C9orf153: variants seen among roughly 807,000 people sequenced by gnomAD.
C9orf153 encodes chromosome 9 open reading frame 153.
C9orf153 carries 10 observed loss-of-function variants against 9.0 expected under a neutral mutation model. The ratio of observed to expected loss-of-function variants is 1.11; its 90% CI spans 0.69 to 1.89. The LOEUF (loss-of-function observed/expected upper bound fraction) is 1.89, where lower values mean the gene tolerates loss of function less well. Among genes scored for constraint, C9orf153 ranks in the 40% most tolerant of loss-of-function variants. The pLI is 0.00. For missense variants in C9orf153, 108 were observed against 111.0 expected, an observed-to-expected ratio of 0.97 and a Z score of 0.12; for synonymous variants, 35 against 37.3, an observed-to-expected ratio of 0.94 and a Z score of 0.23.
intron 1 of C9orf153, among the ~76,000 whole-genome samples, chr9:86,244,936 C>G (rs1179040740): frequency 1.3e-5 from 2 of 152,148 alleles, no homozygotes; most frequent in Non-Finnish European, 2.9e-5. Context: ...TTACACCTCT[C>G]TTTTTTTGAG....
chr9:86,224,940 CAAAAAA>C, intron 3 of C9orf153, among the ~76,000 whole-genome samples: 1 of 73,946 alleles, frequency 1.4e-5, no homozygotes, highest in East Asian at 4.1e-4. Context: ...GACTCCGTCT[CAAAAAA>C]AAAAAAAAAA....
chr9:86,226,759 G>T (rs541789358), intron 3 of C9orf153, among the ~76,000 whole-genome samples: 121 of 143,980 alleles, frequency 8.4e-4, no homozygotes, highest in African/African-American at 3.4e-3. Context: ...TTTTTTGTTT[G>T]TTTGTTTGTT....
chr9:86,226,946 A>T (rs1303356011), intron 3 of C9orf153, among the ~76,000 whole-genome samples: 2 of 152,058 alleles, frequency 1.3e-5, no homozygotes, highest in East Asian at 3.9e-4. Context: ...TTGTATTTTT[A>T]GTAGAGACCA....
At position 86,227,973 on chromosome 9, in the gene C9orf153, G is replaced by T. The variant is rs1824378678; in HGVS notation, c.124C>A (p.Leu42Ile). The change falls in exon 3 of 4, where the codon CTT (leucine) becomes ATT (isoleucine). Residue 42 changes from leucine to isoleucine, a missense_variant. Physicochemically the swap from Leu to Ile is conservative, Grantham distance 5. Transcript: ENST00000339137. The stretch of plus-strand genomic sequence containing the variant: ...AGTGAAATACCATGCATTTTTAGAA[G>T]ATTTGATTTCTTGCTCTCCTTATTA... ...NFNKESKKSN[L>I]LKMHGISLNE... The T allele has an allele frequency of 6.2e-7, 1 of 1,613,048 alleles. No individual in the cohort carries two copies. Among genetic ancestry groups the T allele is most frequent in the African/African-American group, 1.3e-5 (1 of 74,848 alleles).
intron 1 of C9orf153, among the ~76,000 whole-genome samples, chr9:86,232,837 A>G (rs1325818598): frequency 6.6e-6 from 1 of 151,944 alleles, no homozygotes; most frequent in Non-Finnish European, 1.5e-5. Context: ...GGTTCAAGCC[A>G]TTCTCCTGCC....
intron 1 of C9orf153, among the ~76,000 whole-genome samples, chr9:86,256,592 A>G (rs973048255): frequency 1.3e-5 from 2 of 152,226 alleles, no homozygotes; most frequent in African/African-American, 4.8e-5. Context: ...AAGTGTGACT[A>G]CAACTGTTTC....
chr9:86,248,782 T>A (rs1406673704), intron 1 of C9orf153, among the ~76,000 whole-genome samples: 1 of 152,174 alleles, frequency 6.6e-6, no homozygotes, highest in Non-Finnish European at 1.5e-5. Context: ...CCCAGAGTCA[T>A]GAAATGTGGG....
intron 1 of C9orf153, among the ~76,000 whole-genome samples, chr9:86,237,307 T>C (rs540435426): frequency 1.3e-5 from 2 of 152,046 alleles, no homozygotes; most frequent in African/African-American, 4.8e-5. Flanking sequence ...AAAAAAACAG[T>C]AAAACATTTG....
At position 86,227,989 on chromosome 9, in the gene C9orf153, C is replaced by A; in HGVS notation, c.108G>T (p.Glu36Asp). The change falls in exon 3 of 4, where the codon GAG (glutamate) becomes GAT (aspartate). Residue 36 changes from glutamate to aspartate, a missense_variant. Glu to Asp is a conservative substitution (Grantham distance 45). Transcript: ENST00000339137. Reference sequence around the variant, plus strand: ...TTTTTAGAAGATTTGATTTCTTGCTCTCCTTATTAAAATTCTCAATACATG... The same window carrying A: ...TTTTTAGAAGATTTGATTTCTTGCTATCCTTATTAAAATTCTCAATACATG... ...LYACIENFNK[E>D]SKKSNLLKMH... The A allele has an allele frequency of 1.9e-6, 3 of 1,612,632 alleles. No individual in the cohort carries two copies. The highest frequency in any genetic ancestry group is 2.5e-6 in the Non-Finnish European group (3 of 1,179,348).
chr9:86,234,196 T>C (rs373789004), intron 1 of C9orf153, among the ~76,000 whole-genome samples: 3 of 152,374 alleles, frequency 2.0e-5, no homozygotes, highest in East Asian at 3.9e-4. Flanking sequence ...TCTGCGCTTC[T>C]GTGCATTCTT....
At chr9:86,252,299 G>T (rs1236267139) in intron 1 of C9orf153, among the ~76,000 whole-genome samples, 2 of 152,154 alleles carry the variant, frequency 1.3e-5, no homozygotes, top group Non-Finnish European at 2.9e-5. Flanking sequence ...CTCCCAAATT[G>T]CTGGGATTAC....
intron 1 of C9orf153, among the ~76,000 whole-genome samples, chr9:86,232,312 T>C (rs1425126562): frequency 6.6e-6 from 1 of 152,158 alleles, no homozygotes; most frequent in Non-Finnish European, 1.5e-5. Flanking sequence ...CACTTAAAGG[T>C]TGACTTGACT....
Position 86,227,861 on chromosome 9 carries a change from A to G in C9orf153, c.236T>C (p.Val79Ala), listed in dbSNP as rs773307886. The stretch of plus-strand genomic sequence containing the variant: ...TTTTTTAACCACTGTGCACCTGATA[A>G]CAGGTTGGAGATCTCCTCTCACATC... ...GADVRGDLQP[V>A]IRKTIHESKG... Residue 79 changes from valine (V) to alanine (A), a missense_variant, in exon 3 of 4, where the codon GTT (valine) becomes GCT (alanine). Physicochemically the swap from Val to Ala is moderately conservative, Grantham distance 64. Coordinates refer to ENST00000339137, the MANE Select transcript of C9orf153 (RefSeq NM_001276366.4). 1.4e-5 allele frequency: 23 copies of G among 1,610,244 alleles called. No homozygotes were observed. Among genetic ancestry groups the G allele is most frequent in the Admixed American group, 3.4e-5 (2 of 59,132 alleles).
chr9:86,223,873 C>T (rs561557319), intron 3 of C9orf153, among the ~76,000 whole-genome samples: 2 of 152,234 alleles, frequency 1.3e-5, no homozygotes, highest in Admixed American at 6.5e-5. Flanking sequence ...TTGAAAGCAT[C>T]GCTCCACAGA....
chr9:86,227,319 A>T (rs1394704842), intron 3 of C9orf153: 24 of 1,349,466 alleles, frequency 1.8e-5, no homozygotes, highest in East Asian at 2.9e-5. Flanking sequence ...GCTAATTTTT[A>T]TTTATTTATT....
At chr9:86,249,807 A>G (rs2131203507) in intron 1 of C9orf153, among the ~76,000 whole-genome samples, 1 of 152,302 alleles carries the variant, frequency 6.6e-6, no homozygotes, top group Non-Finnish European at 1.5e-5. Flanking sequence ...TCAGCTTCCC[A>G]CAGTGCTGGG....
At chr9:86,244,193 T>C (rs1400129301) in intron 1 of C9orf153, among the ~76,000 whole-genome samples, 1 of 152,228 alleles carries the variant, frequency 6.6e-6, no homozygotes, top group East Asian at 1.9e-4. Context: ...TTAAATAAAA[T>C]ATAGCGTTAA....
chr9:86,239,997 T>C (rs899639149), intron 1 of C9orf153, among the ~76,000 whole-genome samples: 13 of 152,298 alleles, frequency 8.5e-5, no homozygotes, highest in African/African-American at 3.1e-4. Flanking sequence ...TTATAGATAA[T>C]GAAGGCACTG....
At chr9:86,252,216 G>T (rs902266909) in intron 1 of C9orf153, among the ~76,000 whole-genome samples, 1 of 151,918 alleles carries the variant, frequency 6.6e-6, no homozygotes, top group African/African-American at 2.4e-5. Flanking sequence ...TGTATTTTTG[G>T]TAGAGATGGG....
Sources: allele counts gnomAD v4.1 joint callset (sites outside exome capture counted in the v4.1 genomes callset), GRCh38; gene constraint gnomAD v4.1.1; transcripts MANE v1.5; gene names NCBI Gene and HGNC (gene_info 2026-07-23, HGNC 2026-07-21).